Variants in COL27A1 observed in about 807,000 individuals in gnomAD.
COL27A1 encodes the protein collagen type XXVII alpha 1 chain.
A neutral mutation model predicts 251.3 loss-of-function variants in COL27A1; 106 were observed. The observed-to-expected ratio is 0.42, with a 90% CI of 0.36 to 0.50. COL27A1 has a LOEUF of 0.50. Ranked by LOEUF, COL27A1 falls within the 20% of genes least tolerant of loss-of-function variation. COL27A1 has a pLI of 0.00. For missense variants in COL27A1, 2,325 were observed against 2,522.8 expected (o/e 0.92, Z 1.68); for synonymous variants, 1,000 against 986.3 (o/e 1.01, Z -0.26).
At chr9:114,279,259 G>T (rs1007335865) in intron 37 of COL27A1, among the ~76,000 whole-genome samples, 1 of 152,188 alleles carries the variant, frequency 6.6e-6, no homozygotes, top group African/African-American at 2.4e-5. Flanking sequence ...GGCCCACAGA[G>T]GGCTTCCTCT....
chr9:114,178,321 A>G lies in COL27A1; in HGVS notation c.1939A>G (p.Ile647Val). 2 of 1,613,870 alleles carry G rather than the reference A, an allele frequency of 1.2e-6. No homozygotes were observed. Among genetic ancestry groups the G allele is most frequent in the Non-Finnish European group, 1.7e-6 (2 of 1,179,930 alleles). ...CCCTGGGCTACCTGGGCTACCTGGA[A>G]TCCCTGGTGCACGTGGGCCTCGGGT... is the stretch of plus-strand genomic sequence containing the variant. ...GPPGLPGLPG[I>V]PGARGPRGPP... The change falls in exon 4 of 61, where the codon ATC (isoleucine) becomes GTC (valine). Residue 647 changes from isoleucine (I) to valine (V), a missense_variant. Ile to Val is a conservative substitution (Grantham distance 29). Around this residue, in one of 4 missense-constraint regions of COL27A1, gnomAD observed 1,183 missense variants for 1,144.1 expected, o/e 1.03. Coordinates refer to ENST00000356083, the MANE Select transcript of COL27A1 (RefSeq NM_032888.4).
chr9:114,187,855 T>G (rs1220238284), intron 5 of COL27A1, among the ~76,000 whole-genome samples: 1 of 152,270 alleles, frequency 6.6e-6, no homozygotes, highest in African/African-American at 2.4e-5. Context: ...TTATCTTGAT[T>G]AACATTACTG....
intron 3 of COL27A1, among the ~76,000 whole-genome samples, chr9:114,172,162 C>T (rs1416038986): frequency 6.6e-6 from 1 of 152,218 alleles, no homozygotes; most frequent in Non-Finnish European, 1.5e-5. Flanking sequence ...TAGCAGATGG[C>T]AACCTGGTCA....
intron 12 of COL27A1, among the ~76,000 whole-genome samples, chr9:114,214,022 G>C (rs1168655242): frequency 6.6e-6 from 1 of 152,070 alleles, no homozygotes; most frequent in Non-Finnish European, 1.5e-5. Context: ...AGCCACCATG[G>C]CCAGCAAATC....
At chr9:114,237,359 G>T (rs1177420206) in intron 18 of COL27A1, among the ~76,000 whole-genome samples, 1 of 152,204 alleles carries the variant, frequency 6.6e-6, no homozygotes, top group African/African-American at 2.4e-5. Flanking sequence ...CTGTGCATCC[G>T]ACCCTTTCTG....
At chr9:114,167,540 T>TG in intron 2 of COL27A1, 149 bp from the exon 3 acceptor site, 1 of 692,684 alleles carries the variant, frequency 1.4e-6, no homozygotes, top group Non-Finnish European at 2.5e-6. Flanking sequence ...GCCACCACCA[T>TG]GGGGCGGTGT....
chr9:114,270,653 G>A (rs1835078174), intron 35 of COL27A1, 75 bp from the exon 36 acceptor site: 1 of 1,192,070 alleles, frequency 8.4e-7, no homozygotes. Flanking sequence ...CCCCAGGGAG[G>A]GGGAAGAGAG....
intron 14 of COL27A1, among the ~76,000 whole-genome samples, chr9:114,229,669 CA>C (rs1487261705): frequency 2.0e-5 from 3 of 152,188 alleles, no homozygotes; most frequent in African/African-American, 7.2e-5. Context: ...TCAGATCAGT[CA>C]TGGAGGATGG....
chr9:114,267,257 A>G (rs1273004785), intron 33 of COL27A1, among the ~76,000 whole-genome samples: 1 of 152,156 alleles, frequency 6.6e-6, no homozygotes, highest in Non-Finnish European at 1.5e-5. Context: ...GGTAAACCAC[A>G]CTTGTGGGGC....
intron 25 of COL27A1, among the ~76,000 whole-genome samples, chr9:114,251,392 C>T (rs1193812604): frequency 3.9e-5 from 6 of 152,206 alleles, no homozygotes; most frequent in African/African-American, 1.4e-4. Context: ...GTGGCCCAGA[C>T]CCTCGGGCCT....
At chr9:114,268,807 A>G (rs1184105361) in intron 34 of COL27A1, 1 of 158,992 alleles carries the variant, frequency 6.3e-6, no homozygotes, top group Non-Finnish European at 1.4e-5. Context: ...ATGGTGGCGC[A>G]TGCCTGTGGT....
chr9:114,257,642 G>A (rs1301914868), intron 27 of COL27A1, among the ~76,000 whole-genome samples: 3 of 152,000 alleles, frequency 2.0e-5, no homozygotes, highest in African/African-American at 7.3e-5. Context: ...CCCTTCTCAT[G>A]CCACCCCACC....
At chr9:114,275,570 C>A in intron 36 of COL27A1, 91 bp from the exon 37 acceptor site, 1 of 824,870 alleles carries the variant, frequency 1.2e-6, no homozygotes, top group Non-Finnish European at 1.9e-6. Context: ...CTGTGGATGC[C>A]TGAATGGAGC....
intron 49 of COL27A1, among the ~76,000 whole-genome samples, chr9:114,299,172 G>C (rs1337577056): frequency 5.9e-5 from 9 of 152,162 alleles, no homozygotes; most frequent in Non-Finnish European, 1.2e-4. Flanking sequence ...TGACCTGCCT[G>C]GTCTCATTGC....
chr9:114,167,927 G>T lies in COL27A1; in HGVS notation c.372G>T (p.Leu124=), dbSNP rs750124954. 4 of 1,611,104 alleles carry T rather than the reference G, an allele frequency of 2.5e-6. No homozygotes were observed. The African/African-American group carries it at 5.3e-5, about 21-fold the overall frequency. ...CTGTCCGCAGCCAGAAACGCAAGCTGCAGCTGGGCCTGCAGTTCCTCCCCG... is the reference window on the plus strand; with the variant it reads ...CTGTCCGCAGCCAGAAACGCAAGCTTCAGCTGGGCCTGCAGTTCCTCCCCG... ...LFAVRSQKRK[L]QLGLQFLPGK... Residue 124 remains leucine (L), a synonymous_variant, in exon 3 of 61, where the codon CTG becomes CTT. Transcript: ENST00000356083.
At chr9:114,207,707 T>A (rs865960141) in intron 10 of COL27A1, among the ~76,000 whole-genome samples, 1 of 152,120 alleles carries the variant, frequency 6.6e-6, no homozygotes, top group Non-Finnish European at 1.5e-5. Flanking sequence ...ATTTCTGAAG[T>A]AGGCAGAGGG....
intron 25 of COL27A1, 112 bp from the exon 26 acceptor site, chr9:114,252,481 G>C (rs769278306): frequency 2.3e-6 from 2 of 887,820 alleles, no homozygotes; most frequent in Non-Finnish European, 3.7e-6. Flanking sequence ...TAGAGACCTT[G>C]AGCAAACCCC....
chr9:114,274,005 G>T (rs187587542), intron 36 of COL27A1: 1 of 152,278 alleles, frequency 6.6e-6, no homozygotes, highest in East Asian at 1.9e-4. Context: ...ACTTTGGAAG[G>T]CCAAAGTGAG....
Position 114,243,523 on chromosome 9 carries a change from A to C in COL27A1, c.2897A>C (p.Lys966Thr). Residue 966 changes from lysine (K) to threonine (T), a missense_variant, in exon 23 of 61, where the codon AAG (lysine) becomes ACG (threonine). This residue lies in a region of COL27A1 where 662 missense variants were observed against 795.3 expected (regional missense o/e 0.83). Coordinates refer to ENST00000356083, the MANE Select transcript of COL27A1 (RefSeq NM_032888.4). ...APGLEGQPGR[K>T]GFPGRPGLDG... ...CTGTTGCAGGGTCAGCCTGGCAGGAAGGGGTTTCCTGGGAGGCCCGGCCTG... is the reference window on the plus strand; with the variant it reads ...CTGTTGCAGGGTCAGCCTGGCAGGACGGGGTTTCCTGGGAGGCCCGGCCTG... 6.2e-7 allele frequency: 1 copy of C among 1,613,920 alleles called. No homozygotes were observed. The highest frequency in any genetic ancestry group is 8.5e-7 in the Non-Finnish European group (1 of 1,179,908).
Sources: gnomAD v4.1 joint callset for allele counts (sites outside exome capture counted in the v4.1 genomes callset) on GRCh38, gnomAD v4.1.1 for gene constraint, gnomAD v4.1.1 regional missense constraint, MANE v1.5 for transcripts, NCBI Gene and HGNC (gene_info 2026-07-23, HGNC 2026-07-21) for gene names.